Variants in LMTK3 observed in about 807,000 individuals in gnomAD.
LMTK3 encodes serine/threonine-protein kinase LMTK3.
In LMTK3, 27 loss-of-function variants were observed where a neutral mutation model predicts 116.7. That is an observed-to-expected ratio of 0.23 (90% CI 0.17 to 0.32). LMTK3 has a LOEUF of 0.32. Ranked by LOEUF, LMTK3 falls within the 10% of genes least tolerant of loss-of-function variation. The pLI, the probability that LMTK3 is intolerant of heterozygous loss-of-function variation, is 1.00. For missense variants in LMTK3, 1,764 were observed against 2,068.5 expected, an observed-to-expected ratio of 0.85 and a Z score of 2.86; for synonymous variants, 965 against 971.0, an observed-to-expected ratio of 0.99 and a Z score of 0.11.
upstream of LMTK3, among the ~76,000 whole-genome samples, chr19:48,512,318 A>T (rs1389252220): frequency 1.3e-5 from 2 of 152,080 alleles, no homozygotes; most frequent in Admixed American, 1.3e-4. Flanking sequence ...TCCAGCACAG[A>T]TGCACCCGGC....
chr19:48,493,659 G>C (rs760350255), intron 12 of LMTK3, 35 bp downstream of exon 12: 4 of 1,528,474 alleles, frequency 2.6e-6, no homozygotes, highest in Admixed American at 2.0e-5. Context: ...CCTCCAGGCC[G>C]CGACCCCGAA....
In LMTK3 at chr19:48,499,728, G is replaced by C; in HGVS notation, c.1341C>G (p.Leu447=). The C allele has an allele frequency of 6.5e-7, 1 of 1,529,838 alleles. No individual in the cohort carries two copies. The allele number at this position is 1,529,838 out of a possible 1,614,324, so 94.8% of individuals were successfully genotyped here. ...CATCCAGTAGGGGGAACGGTGAGGA[G>C]AGGGTCCCCGGGCGGGGCGCACTGT... ...PAHSAPRPGT[L]SSPFPLLDGF... The change falls in exon 11 of 15, where the codon CTC becomes CTG. Residue 447 remains leucine, a synonymous_variant. Transcript: ENST00000600059.
chr19:48,513,408 G>A, upstream of LMTK3: 1 of 571,938 alleles, frequency 1.7e-6, no homozygotes, highest in East Asian at 2.9e-5. This position sits in a 1 kb window ranked among gnomAD's most constrained non-coding sequence, Gnocchi z 5.6. Flanking sequence ...ACAAGCCGGG[G>A]AGTGGCAAAG....
Position 48,499,537 on chromosome 19 carries a change from G to A in LMTK3, c.1532C>T (p.Ser511Phe), listed in dbSNP as rs1444794103. The change falls in exon 11 of 15, where the codon TCC becomes TTC. Residue 511 changes from serine (S) to phenylalanine (F), a missense_variant. By Grantham distance (155) the Ser-to-Phe change is radical (BLOSUM62 -2). Coordinates refer to ENST00000600059, the MANE Select transcript of LMTK3 (RefSeq NM_001388485.1). ...GGACAGCGCCTCGTAGAAAGGGTTG[G>A]AGGGGTTGGCGTGGGGGGCCGGGGG... is the stretch of plus-strand genomic sequence containing the variant. ...SAPPAPHANP[S>F]NPFYEALSTP... The A allele has an allele frequency of 6.6e-7, 1 of 1,506,204 alleles. No individual in the cohort carries two copies. The highest frequency in any genetic ancestry group is 1.3e-5 in the South Asian group (1 of 78,160). The allele number at this position is 1,506,204 out of a possible 1,614,324, so 93.3% of individuals were successfully genotyped here. A position where few individuals can be genotyped will look rare whatever the true frequency, so the allele number is the denominator to read the frequency against.
Position 48,510,101 on chromosome 19 carries a change from G to T in LMTK3, c.283C>A (p.Gln95Lys). The change falls in exon 3 of 15, where the codon CAG (glutamine) becomes AAG (lysine). Residue 95 changes from glutamine (Q) to lysine (K), a missense_variant. By Grantham distance (53) the Gln-to-Lys change is moderately conservative. Around this residue, in one of 7 missense-constraint regions of LMTK3, gnomAD observed 271 missense variants for 478.2 expected, o/e 0.57. Coordinates refer to ENST00000600059, the MANE Select transcript of LMTK3 (RefSeq NM_001388485.1). ...AGAATGTAGACATCAGGCAGCGACTGTGAGGAGGAGGTCTCCTCCGCAGGG... is the reference window on the plus strand; with the variant it reads ...AGAATGTAGACATCAGGCAGCGACTTTGAGGAGGAGGTCTCCTCCGCAGGG... ...TPPAEETSSS[Q>K]SLPDVYILPL... The T allele has an allele frequency of 6.2e-7, 1 of 1,613,864 alleles. No homozygotes were observed. Among genetic ancestry groups the T allele is most frequent in the South Asian group, 1.1e-5 (1 of 91,064 alleles).
chr19:48,489,795 T>C (rs763252393), intron 14 of LMTK3, among the ~76,000 whole-genome samples: 7 of 152,076 alleles, frequency 4.6e-5, no homozygotes, highest in Non-Finnish European at 8.8e-5. Flanking sequence ...AGGGACAATA[T>C]CTGGACTCAG....
rs1972270617 is a variant in LMTK3, at chr19:48,493,720, C to G, written c.4066G>C (p.Asp1356His). 1 of 1,577,102 alleles carries G rather than the reference C, an allele frequency of 6.3e-7. No individual in the cohort carries two copies. Among genetic ancestry groups the G allele is most frequent in the African/African-American group, 1.4e-5 (1 of 73,586 alleles). The change falls in exon 12 of 15, where the codon GAC (aspartate) becomes CAC (histidine). Residue 1356 changes from aspartate (D) to histidine (H), a missense_variant. This residue lies in a region of LMTK3 where 281 missense variants were observed against 301.4 expected (regional missense o/e 0.93). Transcript: ENST00000600059. Reference sequence around the variant, plus strand: ...TGGTCGAAGAGGTAGACGGTCACGTCCCCGTGGAAGGAGACCATCTTGCGC... The same window carrying G: ...TGGTCGAAGAGGTAGACGGTCACGTGCCCGTGGAAGGAGACCATCTTGCGC... ...RKRKMVSFHG[D>H]VTVYLFDQET...
rs1274340922 is a variant in LMTK3 at position 48,485,587 on chromosome 19, G to T, written c.*186C>A. ...GGGGGGTCAGGGGAGCCATCTGGGGGGCTGGGGGGCGGGGGCCCGGGGCCT... is the reference window on the plus strand; with the variant it reads ...GGGGGGTCAGGGGAGCCATCTGGGGTGCTGGGGGGCGGGGGCCCGGGGCCT... On this transcript the variant is annotated 3_prime_UTR_variant, in exon 15 of 15. Transcript: ENST00000600059. 6.5e-6 allele frequency: 4 copies of T among 619,480 alleles called. No homozygotes were observed. The highest frequency in any genetic ancestry group is 4.4e-4 in the Middle Eastern group (1 of 2,298). 38.4% of individuals were successfully genotyped at this position (619,480 alleles called of 1,614,324 possible).
At chr19:48,507,681 G>A (rs1015892925) in intron 5 of LMTK3, among the ~76,000 whole-genome samples, 2 of 152,182 alleles carry the variant, frequency 1.3e-5, no homozygotes, top group African/African-American at 4.8e-5. Flanking sequence ...TGCAGTCATA[G>A]CTCACTCCAT....
chr19:48,503,107 T>C (rs1412783158), intron 5 of LMTK3, 111 bp from the exon 6 acceptor site: 2 of 715,204 alleles, frequency 2.8e-6, no homozygotes, highest in African/African-American at 3.5e-5. Context: ...TTGTTTTTGT[T>C]TGTTTGTTTG....
intron 5 of LMTK3, among the ~76,000 whole-genome samples, chr19:48,506,895 A>G (rs556184619): frequency 2.0e-5 from 3 of 152,112 alleles, no homozygotes; most frequent in East Asian, 3.9e-4. Context: ...CGAACTCCTG[A>G]CCTCATGATC....
intron 1 of LMTK3, 54 bp downstream of exon 1, chr19:48,511,447 A>T (rs1034871180): frequency 2.6e-6 from 2 of 778,972 alleles, no homozygotes; most frequent in African/African-American, 3.6e-5. Context: ...GCAGACAGCG[A>T]GGCCGCCGCG....
rs746027782 is a variant in LMTK3, at chr19:48,493,928, CTCCTCG to C, written c.3852_3857del (p.Asp1284_Glu1285del). On this transcript the variant is annotated inframe_deletion, in exon 12 of 15. Coordinates refer to ENST00000600059, the MANE Select transcript of LMTK3 (RefSeq NM_001388485.1). Reference sequence around the variant, plus strand: ...CCGGCGCCGCCGCCTCCTCGTCCTCCTCCTCGTCCTCGTCCTCGTCCTCCCCGTCCT... The same window carrying C: ...CCGGCGCCGCCGCCTCCTCGTCCTCCTCCTCGTCCTCGTCCTCCCCGTCCT... 3.3e-4 allele frequency: 340 copies of C among 1,031,876 alleles called. No homozygotes were observed. Among genetic ancestry groups the C allele is most frequent in the Middle Eastern group, 1.8e-3 (4 of 2,168 alleles). The allele number at this position is 1,031,876 out of a possible 1,614,324, so 63.9% of individuals were successfully genotyped here.
At position 48,491,498 on chromosome 19, in the gene LMTK3, C is replaced by T. The variant is rs372172905; in HGVS notation, c.4134G>A (p.Glu1378=). 1 of 1,406,982 alleles carries T rather than the reference C, an allele frequency of 7.1e-7. No individual in the cohort carries two copies. Among genetic ancestry groups the T allele is most frequent in the South Asian group, 1.6e-5 (1 of 60,662 alleles). The allele number at this position is 1,406,982 out of a possible 1,614,324, so 87.2% of individuals were successfully genotyped here. ...GAGGCGTTGACGGGTCCGTGTCCCC[C>T]TCGGGGGGGGCCTGGACGCTCAGCT... The part of the protein sequence containing the change: ...TNELSVQAPP[E]GDTDPSTPPA... The change falls in exon 13 of 15, where the codon GAG becomes GAA. Residue 1378 remains glutamate (E), a synonymous_variant. Coordinates refer to ENST00000600059, the MANE Select transcript of LMTK3 (RefSeq NM_001388485.1). This position sits in a 1 kb window ranked among gnomAD's most constrained non-coding sequence, Gnocchi z 5.1.
At position 48,485,558 on chromosome 19, in the gene LMTK3, G is replaced by A. The variant is rs1488802367; in HGVS notation, c.*215C>T. ...TCCTGCCTCATTTGGCTCCGAGGGG[G>A]TCAGGGGGGTCAGGGGAGCCATCTG... On this transcript the variant is annotated 3_prime_UTR_variant, in exon 15 of 15. Transcript: ENST00000600059. 5.2e-6 allele frequency: 3 copies of A among 575,766 alleles called. No homozygotes were observed. The highest frequency in any genetic ancestry group is 9.3e-6 in the Non-Finnish European group (3 of 324,318). The allele number at this position is 575,766 out of a possible 1,614,324, so 35.7% of individuals were successfully genotyped here. A position where few individuals can be genotyped will look rare whatever the true frequency, so the allele number is the denominator to read the frequency against.
In LMTK3 at chr19:48,510,186, G is replaced by C; in HGVS notation, c.211-13C>G. On this transcript the variant is annotated splice_polypyrimidine_tract_variant and intron_variant, in intron 2 of 14. Coordinates refer to ENST00000600059, the MANE Select transcript of LMTK3 (RefSeq NM_001388485.1). Reference sequence around the variant, plus strand: ...GGTTCTCAAATTCCTGGGGCCAGGAGAGGAGAAGAGGGGTGGGAGAACGCA... The same window carrying C: ...GGTTCTCAAATTCCTGGGGCCAGGACAGGAGAAGAGGGGTGGGAGAACGCA... 2 of 1,607,252 alleles carry C rather than the reference G, an allele frequency of 1.2e-6. No homozygotes were observed. The highest frequency in any genetic ancestry group is 1.7e-6 in the Non-Finnish European group (2 of 1,174,478).
chr19:48,513,104 G>A, upstream of LMTK3: 1 of 1,565,454 alleles, frequency 6.4e-7, no homozygotes, highest in Middle Eastern at 1.7e-4. The surrounding 1 kb of genome is among the most constrained non-coding windows in gnomAD (Gnocchi z 5.6). Flanking sequence ...CACAGACACA[G>A]ACACGCGCAC....
chr19:48,504,690 G>A (rs1057125635), intron 5 of LMTK3, among the ~76,000 whole-genome samples: 2 of 151,974 alleles, frequency 1.3e-5, no homozygotes, highest in African/African-American at 4.8e-5. Context: ...TGGGATTATA[G>A]GTACACACTA....
chr19:48,499,783 C>G lies in LMTK3; in HGVS notation c.1286G>C (p.Gly429Ala), dbSNP rs1257162970. 6.6e-7 allele frequency: 1 copy of G among 1,517,472 alleles called. No individual in the cohort carries two copies. Among genetic ancestry groups the G allele is most frequent in the Non-Finnish European group, 8.9e-7 (1 of 1,129,766 alleles). 94.0% of individuals were successfully genotyped at this position (1,517,472 alleles called of 1,614,324 possible). A position where few individuals can be genotyped will look rare whatever the true frequency, so the allele number is the denominator to read the frequency against. The change falls in exon 11 of 15, where the codon GGT (glycine) becomes GCT (alanine). Residue 429 changes from glycine to alanine, a missense_variant. Coordinates refer to ENST00000600059, the MANE Select transcript of LMTK3 (RefSeq NM_001388485.1). ...AGGGGGCCAGGGCCAGGGGAAGGGACCGTCTCGGGGTGGGGGTGGCGGCGG... is the reference window on the plus strand; with the variant it reads ...AGGGGGCCAGGGCCAGGGGAAGGGAGCGTCTCGGGGTGGGGGTGGCGGCGG... ...PPPPPPPPRDGPFPWPWPPAH... is the reference protein window; with the variant it reads ...PPPPPPPPRDAPFPWPWPPAH...
Sources: allele counts gnomAD v4.1 joint callset (sites outside exome capture counted in the v4.1 genomes callset), GRCh38; gene constraint gnomAD v4.1.1; regional missense constraint gnomAD v4.1.1; non-coding constraint Gnocchi (gnomAD v3.1); transcripts MANE v1.5; gene names NCBI Gene and HGNC (gene_info 2026-07-23, HGNC 2026-07-21).